EYS: variants seen among roughly 807,000 people sequenced by gnomAD.
EYS encodes protein eyes shut homolog.
In EYS, 250 loss-of-function variants were observed where a neutral mutation model predicts 282.1. The ratio of observed to expected loss-of-function variants is 0.89; its 90% CI spans 0.80 to 0.98. The LOEUF (loss-of-function observed/expected upper bound fraction) is 0.98. Ranked by LOEUF, EYS falls within the 50% of genes least tolerant of loss-of-function variation. The probability of loss-of-function intolerance (pLI) is 0.00; values close to 1 mark genes in which losing one functional copy is unlikely to be tolerated. For missense variants in EYS, 4,016 were observed against 3,709.0 expected (o/e 1.08, Z -2.15); for synonymous variants, 1,355 against 1,282.9 (o/e 1.06, Z -1.20).
chr6:64,280,407 A>C (rs768652254), intron 30 of EYS, among the ~76,000 whole-genome samples: 48 of 152,094 alleles, frequency 3.2e-4, no homozygotes, highest in Non-Finnish European at 5.7e-4. Flanking sequence ...AAATTCTATT[A>C]TTCTTATGAT....
intron 33 of EYS, among the ~76,000 whole-genome samples, chr6:64,019,273 C>T (rs574924091): frequency 1.3e-5 from 2 of 152,120 alleles, no homozygotes; most frequent in Non-Finnish European, 2.9e-5. Flanking sequence ...GTGCAGCCTG[C>T]CTACATAACA....
At chr6:64,402,731 G>T (rs1055214487) in intron 28 of EYS, among the ~76,000 whole-genome samples, 1 of 152,116 alleles carries the variant, frequency 6.6e-6, no homozygotes, top group Admixed American at 6.6e-5. Flanking sequence ...CAATTCAATT[G>T]TTCTCTGGCA....
At chr6:65,142,373 C>T (rs1218425833) in intron 12 of EYS, among the ~76,000 whole-genome samples, 5 of 151,766 alleles carry the variant, frequency 3.3e-5, no homozygotes, top group Non-Finnish European at 7.4e-5. Flanking sequence ...CAACACTTCA[C>T]TCAAACTGGT....
At position 65,344,135 on chromosome 6, in the gene EYS, A is replaced by G. The variant is rs754469075; in HGVS notation, c.1502T>C (p.Phe501Ser). The change falls in exon 10 of 43, where the codon TTC (phenylalanine) becomes TCC (serine). Residue 501 changes from phenylalanine to serine, a missense_variant. Transcript: ENST00000503581. ...EKCQGVIDAY[F>S]FLAANCTEDA... ...TTCAGTGCAGTTTGCAGCCAGAAAG[A>G]AATAGGCATCAATAACCCCTTGGCA... The G allele has an allele frequency of 2.5e-6, 4 of 1,610,694 alleles. No homozygotes were observed. In the South Asian group the frequency reaches 4.4e-5, roughly 18 times the overall value.
At chr6:64,572,904 A>C (rs1765770965) in intron 26 of EYS, among the ~76,000 whole-genome samples, 1 of 150,198 alleles carries the variant, frequency 6.7e-6, no homozygotes, top group African/African-American at 2.4e-5. Context: ...CTTTCTTTAC[A>C]AAATTAGAAA....
intron 26 of EYS, among the ~76,000 whole-genome samples, chr6:64,453,697 G>T (rs2150479564): frequency 1.3e-5 from 2 of 152,294 alleles, no homozygotes; most frequent in East Asian, 3.9e-4. Flanking sequence ...ATGAGCTCAT[G>T]TCCTTTGTAG....
chr6:65,616,736 A>G (rs1640078604), intron 2 of EYS, among the ~76,000 whole-genome samples: 1 of 151,916 alleles, frequency 6.6e-6, no homozygotes, highest in South Asian at 2.1e-4. Flanking sequence ...CAGTGAGCCG[A>G]GATAACGCCA....
intron 41 of EYS, among the ~76,000 whole-genome samples, chr6:63,754,517 T>C (rs1769426527): frequency 6.6e-6 from 1 of 152,234 alleles, no homozygotes; most frequent in Non-Finnish European, 1.5e-5. Context: ...GCAAAGGACA[T>C]GAACTCATCC....
At chr6:64,257,753 C>T (rs1248934972) in intron 30 of EYS, among the ~76,000 whole-genome samples, 2 of 145,040 alleles carry the variant, frequency 1.4e-5, no homozygotes, top group Admixed American at 7.1e-5. Context: ...CGCTGCTCTG[C>T]AATGAATGGT....
intron 33 of EYS, among the ~76,000 whole-genome samples, chr6:64,019,711 G>A (rs1039513195): frequency 6.6e-6 from 1 of 151,694 alleles, no homozygotes; most frequent in African/African-American, 2.4e-5. Flanking sequence ...GCTCAGCCTC[G>A]TTCTTTCTTT....
chr6:65,430,685 A>G (rs1239704682), intron 5 of EYS, among the ~76,000 whole-genome samples: 1 of 152,100 alleles, frequency 6.6e-6, no homozygotes, highest in East Asian at 1.9e-4. Context: ...TGCATCTTTG[A>G]TCTTGATCAG....
At chr6:63,821,783 A>C (rs1771332067) in intron 36 of EYS, 1 of 152,274 alleles carries the variant, frequency 6.6e-6, no homozygotes, top group African/African-American at 2.4e-5. Flanking sequence ...TTGGGGAAGG[A>C]GCAAACAACC....
intron 35 of EYS, among the ~76,000 whole-genome samples, chr6:63,871,671 G>T (rs1772808740): frequency 6.6e-6 from 1 of 150,522 alleles, no homozygotes; most frequent in Admixed American, 6.6e-5. Flanking sequence ...CAAAAAGAAA[G>T]AAAAAAAAAG....
At chr6:65,456,382 G>A (rs980133125) in intron 5 of EYS, among the ~76,000 whole-genome samples, 12 of 151,468 alleles carry the variant, frequency 7.9e-5, no homozygotes, top group Non-Finnish European at 1.8e-4. Flanking sequence ...CCTGAGAGGC[G>A]GAGGTTGCAG....
rs188770580 is a variant in EYS at position 63,818,431 on chromosome 6, G to T, written c.7229-12059C>A. Among the ~76,000 whole-genome samples the T allele has an allele frequency of 1.0e-3, 155 of 152,098 alleles. 1 individual carries two copies. The highest frequency in any genetic ancestry group is 1.8e-3 in the Admixed American group (28 of 15,278). On this transcript the variant is annotated intron_variant, in intron 36 of 42. Transcript: ENST00000503581. The stretch of plus-strand genomic sequence containing the variant: ...CCTCATCCATATTCACAGCTTCTTT[G>T]ACTGAGAGGGTTACCTGGGTTTTAC...
intron 23 of EYS, among the ~76,000 whole-genome samples, chr6:64,623,553 A>T (rs1767511934): frequency 6.6e-6 from 1 of 152,176 alleles, no homozygotes; most frequent in African/African-American, 2.4e-5. Flanking sequence ...TTTTCTAAGC[A>T]CATACATGCC....
chr6:65,115,684 G>T (rs957774962), intron 12 of EYS, among the ~76,000 whole-genome samples: 2 of 152,006 alleles, frequency 1.3e-5, no homozygotes, highest in Non-Finnish European at 2.9e-5. Flanking sequence ...GATTTTATAG[G>T]TATAGCCATT....
At chr6:63,939,589 G>T (rs964951278) in intron 35 of EYS, among the ~76,000 whole-genome samples, 1 of 151,684 alleles carries the variant, frequency 6.6e-6, no homozygotes, top group African/African-American at 2.4e-5. Flanking sequence ...GAGCAACAAG[G>T]GTTTTAACTA....
intron 5 of EYS, among the ~76,000 whole-genome samples, chr6:65,411,188 A>G (rs1211938205): frequency 4.6e-5 from 7 of 152,052 alleles, no homozygotes; most frequent in Admixed American, 4.6e-4. Context: ...ACTCTCAGAT[A>G]AAATGTTGTT....
Sources: gnomAD v4.1 joint callset for allele counts (sites outside exome capture counted in the v4.1 genomes callset) on GRCh38, gnomAD v4.1.1 for gene constraint, MANE v1.5 for transcripts, NCBI Gene and HGNC (gene_info 2026-07-23, HGNC 2026-07-21) for gene names.